GPHN: variants seen among roughly 807,000 people sequenced by gnomAD.
The protein encoded by GPHN is gephyrin.
A neutral mutation model predicts 95.5 loss-of-function variants in GPHN; 17 were observed. That is an observed-to-expected ratio of 0.18 (90% confidence interval 0.12 to 0.27). GPHN has a LOEUF of 0.27. Among genes scored for constraint, GPHN ranks in the 10% least tolerant of loss-of-function variants. The pLI, the probability that GPHN is intolerant of heterozygous loss-of-function variation, is 1.00. For synonymous variants in GPHN, 320 were observed against 322.5 expected, an observed-to-expected ratio of 0.99 and a Z score of 0.08; for missense variants, 660 against 978.1, an observed-to-expected ratio of 0.67 and a Z score of 4.34.
chr14:67,256,000 T>C, the GPHN span, among the ~76,000 whole-genome samples: 1 of 152,234 alleles, frequency 6.6e-6, no homozygotes, highest in African/African-American at 2.4e-5. Flanking sequence ...CAACTGACTT[T>C]AATAAGTAAT....
chr14:66,886,759 C>A (rs1285063589), intron 5 of GPHN, among the ~76,000 whole-genome samples: 1 of 151,984 alleles, frequency 6.6e-6, no homozygotes, highest in Admixed American at 6.6e-5. Flanking sequence ...ATTAAGCAGA[C>A]CAGCATACAC....
intron 1 of GPHN, among the ~76,000 whole-genome samples, chr14:66,645,671 G>T (rs113677392): frequency 6.8e-6 from 1 of 146,042 alleles, no homozygotes; most frequent in Non-Finnish European, 1.5e-5. Flanking sequence ...CAGCTTGGGC[G>T]ACAGAGTGAG....
intron 8 of GPHN, among the ~76,000 whole-genome samples, chr14:66,947,508 G>A (rs2067835408): frequency 6.6e-6 from 1 of 152,162 alleles, no homozygotes; most frequent in Non-Finnish European, 1.5e-5. Flanking sequence ...CCTAGCACAG[G>A]TTGGCACATA....
intron 4 of GPHN, among the ~76,000 whole-genome samples, chr14:66,828,498 C>G (rs12323781): frequency 0.15 from 22,446 of 151,908 alleles, 3,167 homozygotes; most frequent in East Asian, 0.43. Context: ...TAAATGAGGT[C>G]AGAAGTTATT....
chr14:67,121,508 A>G (rs1348392697), intron 16 of GPHN, among the ~76,000 whole-genome samples: 1 of 152,188 alleles, frequency 6.6e-6, no homozygotes, highest in Non-Finnish European at 1.5e-5. Context: ...ATAAATGAGA[A>G]AATTACGACA....
chr14:66,709,349 A>T (rs2069392633), intron 2 of GPHN: 1 of 455,924 alleles, frequency 2.2e-6, no homozygotes, highest in Admixed American at 2.4e-5. Flanking sequence ...GTCCCCTTTT[A>T]TCCACAGGGG....
chr14:66,715,152 G>T lies in GPHN; in HGVS notation c.143+33967G>T, dbSNP rs555007394. Among the ~76,000 whole-genome samples the T allele has an allele frequency of 2.6e-5, 4 of 152,132 alleles. No homozygotes were observed. In the East Asian group the frequency reaches 7.7e-4, roughly 29 times the overall value. ...ATTTTTAAATTACTGTTTCAGTCTT[G>T]CTGCTTGTTATTGGTCTGTTCAGGG... is the stretch of plus-strand genomic sequence containing the variant. On this transcript the variant is annotated intron_variant, in intron 2 of 22. Coordinates refer to ENST00000478722, the MANE Select transcript of GPHN (RefSeq NM_020806.5).
the GPHN span, among the ~76,000 whole-genome samples, chr14:67,448,120 CTTTTTTTTTTTTTTTTTTTT>C: frequency 3.6e-4 from 13 of 36,076 alleles, no homozygotes; most frequent in South Asian, 4.6e-3. Context: ...ATAGCCCATT[CTTTTTTTTTTTTTTTTTTTT>C]TTTTTTTTTT....
intron 9 of GPHN, among the ~76,000 whole-genome samples, chr14:66,970,086 T>G (rs1280019216): frequency 2.5e-5 from 3 of 120,928 alleles, no homozygotes; most frequent in East Asian, 2.3e-4. Flanking sequence ...GCAAGTTGTG[T>G]TTTTTTTTTT....
chr14:67,468,034 T>A, the GPHN span, among the ~76,000 whole-genome samples: 7 of 151,980 alleles, frequency 4.6e-5, no homozygotes, highest in Non-Finnish European at 7.4e-5. Context: ...AGTGCAATGG[T>A]GCGATCTCGG....
intron 4 of GPHN, among the ~76,000 whole-genome samples, chr14:66,868,121 T>C (rs142493502): frequency 5.9e-5 from 9 of 152,318 alleles, no homozygotes; most frequent in African/African-American, 1.9e-4. Flanking sequence ...TTATTATTAA[T>C]AGTAGTCATT....
chr14:67,569,609 G>T, the GPHN span: 1 of 465,976 alleles, frequency 2.1e-6, no homozygotes, highest in Non-Finnish European at 3.9e-6. Flanking sequence ...AACGAGGGCT[G>T]TGGGGTGGTC....
chr14:67,122,000 A>G (rs970992072), intron 16 of GPHN, among the ~76,000 whole-genome samples: 1 of 152,172 alleles, frequency 6.6e-6, no homozygotes, highest in African/African-American at 2.4e-5. Context: ...TTGGAGCCCA[A>G]CCTGGTGGGA....
intron 2 of GPHN, among the ~76,000 whole-genome samples, chr14:66,684,295 A>G (rs1167351577): frequency 6.6e-6 from 1 of 152,232 alleles, no homozygotes; most frequent in Non-Finnish European, 1.5e-5. Flanking sequence ...ACCCAGGCTT[A>G]TCTAGTCAAT....
intron 1 of GPHN, among the ~76,000 whole-genome samples, chr14:66,616,425 TTTGTTGTTG>T (rs112215078): frequency 0.16 from 23,926 of 149,542 alleles, 3,621 homozygotes; most frequent in East Asian, 0.44. Context: ...TTCTTTGTGT[TTTGTTGTTG>T]TTGTTGTTGT....
intron 2 of GPHN, among the ~76,000 whole-genome samples, chr14:66,698,713 A>G (rs1386055489): frequency 6.6e-6 from 1 of 152,210 alleles, no homozygotes; most frequent in Non-Finnish European, 1.5e-5. Flanking sequence ...CCAGAAATAC[A>G]GTCATCCATC....
chr14:67,473,127 A>T, the GPHN span: 1 of 420,076 alleles, frequency 2.4e-6, no homozygotes, highest in South Asian at 2.6e-5. The surrounding 1 kb of genome is among the most constrained non-coding windows in gnomAD (Gnocchi z 6.5). Context: ...AAAGTCAACT[A>T]CATAGTCCAT....
At chr14:66,707,205 A>G (rs1047406558) in intron 2 of GPHN, among the ~76,000 whole-genome samples, 1 of 152,212 alleles carries the variant, frequency 6.6e-6, no homozygotes, top group Admixed American at 6.5e-5. Context: ...ATGGTTTTAC[A>G]CTGTTGGTGG....
At chr14:67,569,027 C>T in the GPHN span, 6 of 648,948 alleles carry the variant, frequency 9.2e-6, no homozygotes, top group Non-Finnish European at 1.6e-5. Flanking sequence ...CCAGTCACTG[C>T]CCCCCACAGG....
Sources: gnomAD v4.1 joint callset for allele counts (sites outside exome capture counted in the v4.1 genomes callset) on GRCh38, gnomAD v4.1.1 for gene constraint, Gnocchi (gnomAD v3.1) non-coding constraint, MANE v1.5 for transcripts, NCBI Gene and HGNC (gene_info 2026-07-23, HGNC 2026-07-21) for gene names.